The following SLC20A2 variants were observed in gnomAD, a reference collection of about 807,000 sequenced individuals.
SLC20A2 encodes the protein solute carrier family 20 member 2, also known as sodium-dependent phosphate transporter 2.
Under a neutral mutation model 61.0 loss-of-function variants are expected in SLC20A2, and 30 were observed. The ratio of observed to expected loss-of-function variants is 0.49; its 90% CI spans 0.37 to 0.67. The LOEUF is 0.67. SLC20A2 is among the 30% of genes least tolerant of loss of function. The pLI is 0.00. For synonymous variants in SLC20A2, 351 were observed against 353.3 expected (o/e 0.99, Z 0.07); for missense variants, 626 against 866.4 (o/e 0.72, Z 3.48).
intron 10 of SLC20A2, among the ~76,000 whole-genome samples, chr8:42,426,773 T>C (rs188146455): frequency 2.6e-5 from 4 of 152,348 alleles, no homozygotes; most frequent in Admixed American, 2.6e-4. Context: ...TCAGCAGTCT[T>C]GCTTTAGTGT....
Position 42,510,816 on chromosome 8 carries a change from A to G in SLC20A2, c.-265+31005T>C, listed in dbSNP as rs180936965. On this transcript the variant is annotated intron_variant, in intron 1 of 10. Coordinates refer to the SLC20A2 transcript ENST00000342228. The stretch of plus-strand genomic sequence containing the variant: ...CTAGGAATGTTGCAAAAATGACTCA[A>G]TGCACATAAAGCACTTACAACAGAG... 1.3e-3 allele frequency among the ~76,000 whole-genome samples: 204 copies of G among 152,286 alleles called. 4 individuals carry two copies. The highest frequency in any genetic ancestry group is 3.4e-3 in the Middle Eastern group (1 of 294).
chr8:42,447,595 A>ATAGGCAGGAGAATGGCG (rs1563468401), intron 5 of SLC20A2, among the ~76,000 whole-genome samples: 1 of 151,612 alleles, frequency 6.6e-6, no homozygotes, highest in African/African-American at 2.4e-5. Flanking sequence ...GGAGAATGGC[A>ATAGGCAGGAGAATGGCG]TGAACCCGGA....
rs568171539 is a variant in SLC20A2, at chr8:42,450,016, G to T, written c.614-5254C>A. 4.6e-5 allele frequency among the ~76,000 whole-genome samples: 7 copies of T among 152,180 alleles called. No homozygotes were observed. The East Asian group carries it at 1.4e-3, about 29-fold the overall frequency. The stretch of plus-strand genomic sequence containing the variant: ...ACACACAGAGATTACCTCCTTTGTA[G>T]AACTGCTCTAATATCTTGCCTTATA... On this transcript the variant is annotated intron_variant, in intron 5 of 10. Coordinates refer to ENST00000520262, the MANE Select transcript of SLC20A2 (RefSeq NM_001257180.2).
intron 1 of SLC20A2, among the ~76,000 whole-genome samples, chr8:42,512,642 C>T (rs186527617): frequency 7.5e-4 from 114 of 152,276 alleles, no homozygotes; most frequent in South Asian, 3.5e-3. Flanking sequence ...TGAGCCACCA[C>T]GTCCAGCCCA....
rs1811658060 is a variant in SLC20A2 at position 42,522,750 on chromosome 8, G to A, written c.-265+19071C>T. On this transcript the variant is annotated intron_variant, in intron 1 of 10. Coordinates refer to the SLC20A2 transcript ENST00000342228. ...TTTAGAGACTTGTTCTGTCACCCAG[G>A]TTGGAGTGTGGTGGTGCGAGCATGG... Among the ~76,000 whole-genome samples the A allele has an allele frequency of 3.3e-5, 2 of 60,418 alleles. 1 individual carries two copies. Among genetic ancestry groups the A allele is most frequent in the Non-Finnish European group, 1.1e-4 (2 of 17,438 alleles). The allele number at this position is 60,418 out of a possible 152,430, so 39.6% of individuals were successfully genotyped here. A position where few individuals can be genotyped will look rare whatever the true frequency, so the allele number is the denominator to read the frequency against.
intron 5 of SLC20A2, among the ~76,000 whole-genome samples, chr8:42,447,151 GA>G: frequency 6.6e-6 from 1 of 151,784 alleles, no homozygotes; most frequent in East Asian, 1.9e-4. Flanking sequence ...AGACCATCCT[GA>G]GCAACATAGT....
At chr8:42,462,094 G>A (rs1034315162) in intron 4 of SLC20A2, among the ~76,000 whole-genome samples, 5 of 152,136 alleles carry the variant, frequency 3.3e-5, no homozygotes, top group African/African-American at 1.2e-4. Flanking sequence ...GGGGAGGAGA[G>A]GAGCAGCTTC....
upstream of SLC20A2, chr8:42,501,562 G>A (rs1431285808): frequency 2.0e-5 from 3 of 152,218 alleles, no homozygotes; most frequent in African/African-American, 4.8e-5. Flanking sequence ...TTTAAACAGC[G>A]TGATTAGATG....
intron 1 of SLC20A2, among the ~76,000 whole-genome samples, chr8:42,482,145 AT>A (rs552772839): frequency 2.0e-5 from 3 of 151,696 alleles, no homozygotes; most frequent in Admixed American, 2.0e-4. Flanking sequence ...CATGGAAAAT[AT>A]TTTTTTTTAG....
intron 1 of SLC20A2, among the ~76,000 whole-genome samples, chr8:42,474,699 G>A (rs1404080657): frequency 1.3e-5 from 2 of 152,108 alleles, no homozygotes; most frequent in Admixed American, 6.5e-5. Flanking sequence ...TGAGAAATAC[G>A]GCGATGAACA....
intron 1 of SLC20A2, among the ~76,000 whole-genome samples, chr8:42,527,382 A>G (rs1812037575): frequency 6.2e-5 from 1 of 16,174 alleles, no homozygotes; most frequent in South Asian, 2.5e-3. Context: ...AAAATTAAGG[A>G]AAAAAAAAAA....
chr8:42,465,185 G>C (rs1329796657), intron 3 of SLC20A2, among the ~76,000 whole-genome samples: 1 of 151,406 alleles, frequency 6.6e-6, no homozygotes, highest in Non-Finnish European at 1.5e-5. Flanking sequence ...AGCCTCCCTA[G>C]TAGCTGGGAT....
intron 10 of SLC20A2, among the ~76,000 whole-genome samples, chr8:42,423,761 C>T (rs1803203629): frequency 6.6e-6 from 1 of 152,086 alleles, no homozygotes; most frequent in African/African-American, 2.4e-5. Flanking sequence ...ATAAAAGATC[C>T]AGAGTACTAT....
At position 42,437,612 on chromosome 8, in the gene SLC20A2, C is replaced by CT. The variant is rs754056948; in HGVS notation, c.935-36dup. On this transcript the variant is annotated intron_variant, in intron 7 of 10. Coordinates refer to ENST00000520262, the MANE Select transcript of SLC20A2 (RefSeq NM_001257180.2). The surrounding 1 kb of genome is among the most constrained non-coding windows in gnomAD (Gnocchi z 6.4). ...GTTAGAGAAGGTCTCATTTTCCAGT[C>CT]TTTTTTTTTTTTTTCTTTTCTTTTT... is the stretch of plus-strand genomic sequence containing the variant. 0.17 allele frequency: 185,684 copies of CT among 1,092,874 alleles called. 56 individuals carry two copies. The highest frequency in any genetic ancestry group is 0.18 in the Non-Finnish European group (145,410 of 808,782). 67.7% of individuals were successfully genotyped at this position (1,092,874 alleles called of 1,614,324 possible).
chr8:42,433,405 T>C (rs1804013573), intron 8 of SLC20A2, among the ~76,000 whole-genome samples: 1 of 151,996 alleles, frequency 6.6e-6, no homozygotes, highest in African/African-American at 2.4e-5. Context: ...CTCACTGCAA[T>C]ATCCTCCACC....
intron 1 of SLC20A2, among the ~76,000 whole-genome samples, chr8:42,512,660 C>A (rs568331255): frequency 6.6e-6 from 1 of 152,136 alleles, no homozygotes; most frequent in Non-Finnish European, 1.5e-5. Context: ...CCAAAAAACT[C>A]TTTTTCAATA....
chr8:42,442,316 TA>T (rs1804853513), intron 6 of SLC20A2, among the ~76,000 whole-genome samples: 1 of 152,220 alleles, frequency 6.6e-6, no homozygotes, highest in Non-Finnish European at 1.5e-5. Flanking sequence ...TTTTCCCTTA[TA>T]TTTTTTTTCT....
intron 1 of SLC20A2, among the ~76,000 whole-genome samples, chr8:42,497,713 G>GT (rs1251339959): frequency 1.3e-5 from 2 of 149,412 alleles, no homozygotes; most frequent in African/African-American, 5.0e-5. Context: ...ACCCTCAATT[G>GT]GTTTTTTTTT....
rs553353745 is a variant in SLC20A2 at position 42,532,898 on chromosome 8, C to T, written c.-265+8923G>A. 6.6e-5 allele frequency among the ~76,000 whole-genome samples: 10 copies of T among 152,220 alleles called. No individual in the cohort carries two copies. The East Asian group carries it at 1.7e-3, about 26-fold the overall frequency. On this transcript the variant is annotated intron_variant, in intron 1 of 10. Transcript: ENST00000342228. ...AAAGACGAGGTGGCCCAGAGGAAGG[C>T]ACACCCAAGTCCACAGAGGACGGAA...
Sources: gnomAD v4.1 joint callset for allele counts (sites outside exome capture counted in the v4.1 genomes callset) on GRCh38, gnomAD v4.1.1 for gene constraint, Gnocchi (gnomAD v3.1) non-coding constraint, MANE v1.5 for transcripts, NCBI Gene and HGNC (gene_info 2026-07-23, HGNC 2026-07-21) for gene names.